TMEFF2: variants seen among roughly 807,000 people sequenced by gnomAD.
The protein encoded by TMEFF2 is transmembrane protein with EGF like and two follistatin like domains 2.
In TMEFF2, 28 loss-of-function variants were observed where a neutral mutation model predicts 53.8. That is an observed-to-expected ratio of 0.52 (90% confidence interval 0.39 to 0.71). The LOEUF (loss-of-function observed/expected upper bound fraction) is 0.71, where lower values mean the gene tolerates loss of function less well. TMEFF2 is among the 30% of genes least tolerant of loss of function. The probability of loss-of-function intolerance (pLI) is 0.00; values close to 1 mark genes in which losing one functional copy is unlikely to be tolerated. For missense variants in TMEFF2, 353 were observed against 455.2 expected (o/e 0.78, Z 2.04); for synonymous variants, 162 against 166.3 (o/e 0.97, Z 0.20).
chr2:192,190,547 C>T (rs774213247), intron 2 of TMEFF2, among the ~76,000 whole-genome samples: 6 of 152,014 alleles, frequency 3.9e-5, no homozygotes, highest in South Asian at 2.1e-4. Flanking sequence ...TAGAAGTTGA[C>T]GTTACATGCA....
At chr2:191,967,843 A>G (rs991408534) in intron 7 of TMEFF2, among the ~76,000 whole-genome samples, 1 of 151,968 alleles carries the variant, frequency 6.6e-6, no homozygotes, top group African/African-American at 2.4e-5. Context: ...CTCTTCCCGC[A>G]TCCACTCTTG....
intron 7 of TMEFF2, among the ~76,000 whole-genome samples, chr2:191,984,092 G>A (rs1685918681): frequency 6.6e-6 from 1 of 151,928 alleles, no homozygotes; most frequent in South Asian, 2.1e-4. Context: ...AAGCTATGGA[G>A]GTAAACTTCG....
chr2:192,042,064 A>G (rs1687497605), intron 5 of TMEFF2, among the ~76,000 whole-genome samples: 2 of 152,116 alleles, frequency 1.3e-5, no homozygotes, highest in African/African-American at 4.8e-5. Context: ...AACTGGGCGT[A>G]GTGGCAGGCA....
chr2:192,179,621 T>A (rs55693184), intron 4 of TMEFF2, 47 bp downstream of exon 4: 29,802 of 1,534,112 alleles, frequency 0.019, 359 homozygotes, highest in African/African-American at 0.029. Context: ...ATATACATAA[T>A]AATATCCACC....
At chr2:192,063,914 C>T (rs1199621714) in intron 4 of TMEFF2, among the ~76,000 whole-genome samples, 2 of 151,622 alleles carry the variant, frequency 1.3e-5, no homozygotes, top group Non-Finnish European at 3.0e-5. Context: ...ATTTTACTTC[C>T]AATCCCTTTG....
intron 4 of TMEFF2, among the ~76,000 whole-genome samples, chr2:192,152,994 T>G (rs1382473365): frequency 6.6e-6 from 1 of 151,832 alleles, no homozygotes. Context: ...AGATATTAGT[T>G]AATTTGGTGT....
intron 5 of TMEFF2, chr2:192,021,880 TTC>T (rs1250178472): frequency 6.6e-6 from 1 of 152,212 alleles, no homozygotes; most frequent in Non-Finnish European, 1.5e-5. Flanking sequence ...CATAGCTTAG[TTC>T]TTTCATAATT....
chr2:192,150,085 G>T (rs977405926), intron 4 of TMEFF2, among the ~76,000 whole-genome samples: 1 of 151,774 alleles, frequency 6.6e-6, no homozygotes, highest in Non-Finnish European at 1.5e-5. Context: ...GACATATCTT[G>T]TTCATTTATA....
chr2:192,189,673 T>G (rs1007240425), intron 2 of TMEFF2, among the ~76,000 whole-genome samples: 1 of 151,790 alleles, frequency 6.6e-6, no homozygotes, highest in Non-Finnish European at 1.5e-5. Flanking sequence ...TATCAGATAC[T>G]AGGGCTAAAA....
chr2:192,190,022 C>T (rs969498557), intron 2 of TMEFF2, among the ~76,000 whole-genome samples: 2 of 152,142 alleles, frequency 1.3e-5, no homozygotes, highest in African/African-American at 4.8e-5. Flanking sequence ...CCCATCTATT[C>T]CACTTAACGA....
intron 4 of TMEFF2, among the ~76,000 whole-genome samples, chr2:192,114,562 A>G (rs1217623696): frequency 6.6e-6 from 1 of 151,730 alleles, no homozygotes; most frequent in African/African-American, 2.4e-5. Flanking sequence ...ACTCTAAAGA[A>G]TTCACCAAAA....
chr2:192,002,653 A>T (rs2105840276), intron 5 of TMEFF2, among the ~76,000 whole-genome samples: 1 of 152,202 alleles, frequency 6.6e-6, no homozygotes, highest in Non-Finnish European at 1.5e-5. Flanking sequence ...GACACGGTGA[A>T]AGGCTGACTC....
intron 4 of TMEFF2, among the ~76,000 whole-genome samples, chr2:192,147,815 G>A (rs1265081942): frequency 6.6e-6 from 1 of 151,944 alleles, no homozygotes; most frequent in African/African-American, 2.4e-5. Context: ...GCAGCATGCA[G>A]TTTGCTTTTT....
At chr2:192,064,509 C>T (rs1688122934) in intron 4 of TMEFF2, among the ~76,000 whole-genome samples, 1 of 151,830 alleles carries the variant, frequency 6.6e-6, no homozygotes, top group South Asian at 2.1e-4. Context: ...TCTGTATTTG[C>T]CTTAACTTTT....
chr2:192,169,900 C>T (rs1690865621), intron 4 of TMEFF2, among the ~76,000 whole-genome samples: 1 of 152,062 alleles, frequency 6.6e-6, no homozygotes, highest in African/African-American at 2.4e-5. Context: ...GGCTGGGCAG[C>T]CTGAACTTCA....
chr2:191,998,191 G>C, intron 7 of TMEFF2, 71 bp downstream of exon 7: 2 of 1,237,436 alleles, frequency 1.6e-6, no homozygotes, highest in Non-Finnish European at 2.3e-6. Flanking sequence ...GGAATAAGTA[G>C]TAAACAACCA....
intron 2 of TMEFF2, among the ~76,000 whole-genome samples, chr2:192,190,232 T>C (rs1008339946): frequency 2.6e-5 from 4 of 152,012 alleles, no homozygotes; most frequent in Admixed American, 2.6e-4. Flanking sequence ...CCTGGTGAAA[T>C]CTTAGAACCA....
At chr2:192,006,782 G>A (rs748280671) in intron 5 of TMEFF2, among the ~76,000 whole-genome samples, 6 of 152,162 alleles carry the variant, frequency 3.9e-5, no homozygotes, top group Non-Finnish European at 5.9e-5. Context: ...AAAACCAGAT[G>A]ACTGGGTTGC....
intron 4 of TMEFF2, among the ~76,000 whole-genome samples, chr2:192,065,389 T>C (rs1248741109): frequency 6.6e-6 from 1 of 151,810 alleles, no homozygotes; most frequent in Non-Finnish European, 1.5e-5. Context: ...AAGCAGGCAG[T>C]CCCTGAAACT....
Sources: allele counts gnomAD v4.1 joint callset (sites outside exome capture counted in the v4.1 genomes callset), GRCh38; gene constraint gnomAD v4.1.1; transcripts MANE v1.5; gene names NCBI Gene and HGNC (gene_info 2026-07-23, HGNC 2026-07-21).